Variants in BBS4 observed in about 807,000 individuals in gnomAD.
The protein encoded by BBS4 is Bardet-Biedl syndrome 4, also known as BBSome complex member BBS4.
Under a neutral mutation model 71.4 loss-of-function variants are expected in BBS4, and 58 were observed. That is an observed-to-expected ratio of 0.81 (90% CI 0.66 to 1.01). The LOEUF (loss-of-function observed/expected upper bound fraction) is 1.01. BBS4 is among the 50% of genes least tolerant of loss of function. The probability of loss-of-function intolerance (pLI) is 0.00; values close to 1 mark genes in which losing one functional copy is unlikely to be tolerated. For synonymous variants in BBS4, 228 were observed against 216.8 expected (o/e 1.05, Z -0.46); for missense variants, 660 against 607.9 (o/e 1.09, Z -0.90).
intron 1 of BBS4, chr15:72,686,843 A>G (rs2064854755): frequency 6.0e-6 from 2 of 333,206 alleles, no homozygotes; most frequent in South Asian, 2.4e-5. Context: ...TAATTTCGGT[A>G]AAGTGCCAAG....
At chr15:72,716,919 T>C in intron 6 of BBS4, 69 bp downstream of exon 6, 1 of 1,132,596 alleles carries the variant, frequency 8.8e-7, no homozygotes. Flanking sequence ...CATCTGGCTG[T>C]CTTATTTCTG....
chr15:72,716,942 C>G, intron 6 of BBS4, 92 bp downstream of exon 6: 1 of 912,008 alleles, frequency 1.1e-6, no homozygotes, highest in Non-Finnish European at 1.8e-6. Context: ...TTCTTACATT[C>G]CAAAAATGTC....
At chr15:72,687,123 A>AATTTTTTTTTTTTTTTTTTTTT (rs1491389178) in intron 1 of BBS4, among the ~76,000 whole-genome samples, 1 of 11,984 alleles carries the variant, frequency 8.3e-5, no homozygotes, top group African/African-American at 1.5e-4. Flanking sequence ...GAAGACAGAA[A>AATTTTTTTTTTTTTTTTTTTTT]CTTTTTTTTT....
chr15:72,688,125 C>T (rs1839635718), intron 1 of BBS4, among the ~76,000 whole-genome samples: 1 of 149,826 alleles, frequency 6.7e-6, no homozygotes, highest in African/African-American at 2.4e-5. Context: ...CATAACATTG[C>T]TACAAATATA....
At chr15:72,734,683 G>T (rs193199816) in intron 12 of BBS4, among the ~76,000 whole-genome samples, 8 of 152,164 alleles carry the variant, frequency 5.3e-5, no homozygotes, top group Middle Eastern at 3.4e-3. Context: ...TTTAAAAAGT[G>T]GGGGGAGTGT....
chr15:72,709,645 T>C, intron 2 of BBS4, 55 bp from the exon 3 acceptor site: 2 of 1,331,996 alleles, frequency 1.5e-6, no homozygotes, highest in South Asian at 1.2e-5. Flanking sequence ...AGGACAGTGC[T>C]AAAGGAGAAA....
chr15:72,725,055 T>G (rs62017586), intron 8 of BBS4, among the ~76,000 whole-genome samples: 16,475 of 110,872 alleles, frequency 0.15, 973 homozygotes, highest in Non-Finnish European at 0.19. Context: ...TATATATATA[T>G]ATAGAGAGAG....
chr15:72,702,263 C>T (rs1363160590), intron 2 of BBS4, among the ~76,000 whole-genome samples: 1 of 152,112 alleles, frequency 6.6e-6, no homozygotes, highest in Non-Finnish European at 1.5e-5. Context: ...AATGTGTCAC[C>T]TTGGAGACCT....
intron 12 of BBS4, among the ~76,000 whole-genome samples, chr15:72,732,621 A>G (rs2065847478): frequency 1.3e-5 from 2 of 152,232 alleles, no homozygotes; most frequent in Non-Finnish European, 2.9e-5. Flanking sequence ...CCTGAATACA[A>G]AGATAACTTT....
chr15:72,696,923 TATA>T (rs2065087155), intron 2 of BBS4, among the ~76,000 whole-genome samples: 2 of 151,062 alleles, frequency 1.3e-5, no homozygotes, highest in South Asian at 4.2e-4. Context: ...TTAAACCTCA[TATA>T]ATGTTTGTTT....
At chr15:72,692,961 A>G (rs1427353556) in intron 1 of BBS4, among the ~76,000 whole-genome samples, 1 of 152,082 alleles carries the variant, frequency 6.6e-6, no homozygotes. Context: ...TTTTAAAAAA[A>G]CTGAATTTCC....
At chr15:72,725,596 G>A (rs951839335) in intron 8 of BBS4, among the ~76,000 whole-genome samples, 4 of 152,036 alleles carry the variant, frequency 2.6e-5, no homozygotes, top group African/African-American at 9.7e-5. Flanking sequence ...TCCTGATTCA[G>A]TAAAAAACAA....
chr15:72,729,158 CTGCTTTTTTTTTT>C lies in BBS4; in HGVS notation c.643-456_643-444del, dbSNP rs1299434023. ...TTTCTTTATTATCTGGTAACTGTAGCTGCTTTTTTTTTTTTTTTTTTTTTTTTTAAAGTCAAGA... is the reference window on the plus strand; with the variant it reads ...TTTCTTTATTATCTGGTAACTGTAGCTTTTTTTTTTTTTTTAAAGTCAAGA... On this transcript the variant is annotated intron_variant, in intron 9 of 15. Coordinates refer to ENST00000268057, the MANE Select transcript of BBS4 (RefSeq NM_033028.5). 3.8e-5 allele frequency among the ~76,000 whole-genome samples: 4 copies of C among 106,608 alleles called. No homozygotes were observed. The South Asian group carries it at 1.2e-3, about 31-fold the overall frequency. The allele number at this position is 106,608 out of a possible 152,430, so 69.9% of individuals were successfully genotyped here.
rs756142516 is a variant in BBS4, at chr15:72,736,043, A to C, written c.1248+77A>C. The C allele has an allele frequency of 7.9e-5, 122 of 1,539,704 alleles. 1 individual carries two copies. In the Middle Eastern group the frequency reaches 1.1e-3, roughly 14 times the overall value. ...TTAAAAATCAAGCCCAGATCATCCA[A>C]ATCCAAGGTATTACACGTTCATGGC... is the stretch of plus-strand genomic sequence containing the variant. On this transcript the variant is annotated intron_variant, in intron 14 of 15. Transcript: ENST00000268057.
In BBS4 at chr15:72,731,541, C is replaced by T. The variant is rs2065823291; in HGVS notation, c.865-14C>T. 2 of 1,614,070 alleles carry T rather than the reference C, an allele frequency of 1.2e-6. No homozygotes were observed. The highest frequency in any genetic ancestry group is 8.5e-7 in the Non-Finnish European group (1 of 1,180,054). The stretch of plus-strand genomic sequence containing the variant: ...AGCTTGCCCTTCTCATTGAGTGCCC[C>T]TTCTCTCTCATAGGCCATCAGCTGC... On this transcript the variant is annotated splice_polypyrimidine_tract_variant and intron_variant, in intron 11 of 15. Coordinates refer to ENST00000268057, the MANE Select transcript of BBS4 (RefSeq NM_033028.5).
chr15:72,727,995 G>T lies in BBS4; in HGVS notation c.642+1G>T, dbSNP rs1180642796. 2.5e-6 allele frequency: 4 copies of T among 1,609,840 alleles called. No homozygotes were observed. The highest frequency in any genetic ancestry group is 3.4e-6 in the Non-Finnish European group (4 of 1,176,200). On this transcript the variant is annotated splice_donor_variant, in intron 9 of 15. Coordinates refer to ENST00000268057, the MANE Select transcript of BBS4 (RefSeq NM_033028.5). LOFTEE classifies it high-confidence loss of function. Reference sequence around the variant, plus strand: ...AACTTTAGGATTACTCTACTTACAGGTAATGAAAACTCTGTACTCATTCAT... The same window carrying T: ...AACTTTAGGATTACTCTACTTACAGTTAATGAAAACTCTGTACTCATTCAT...
intron 9 of BBS4, among the ~76,000 whole-genome samples, chr15:72,729,161 CTTTTTTTTTTTTT>C (rs71137313): frequency 1.4e-5 from 1 of 70,036 alleles, no homozygotes; most frequent in Non-Finnish European, 2.4e-5. Context: ...ACTGTAGCTG[CTTTTTTTTTTTTT>C]TTTTTTTTTT....
intron 4 of BBS4, among the ~76,000 whole-genome samples, chr15:72,713,365 G>A (rs1025554355): frequency 2.9e-5 from 4 of 137,594 alleles, no homozygotes; most frequent in Admixed American, 7.4e-5. Flanking sequence ...ACGCACGCAC[G>A]CACTGGTCTA....
intron 1 of BBS4, among the ~76,000 whole-genome samples, chr15:72,694,110 C>T (rs1387664544): frequency 2.0e-5 from 3 of 151,704 alleles, no homozygotes; most frequent in African/African-American, 7.3e-5. Flanking sequence ...GTGTTGAACT[C>T]CTAACCTCAG....
Sources: allele counts gnomAD v4.1 joint callset (sites outside exome capture counted in the v4.1 genomes callset), GRCh38; gene constraint gnomAD v4.1.1; transcripts MANE v1.5; gene names NCBI Gene and HGNC (gene_info 2026-07-23, HGNC 2026-07-21).